Variants in RANBP2 observed in about 807,000 individuals in gnomAD.
RANBP2 encodes the protein E3 SUMO-protein ligase RanBP2.
A neutral mutation model predicts 303.6 loss-of-function variants in RANBP2; 57 were observed. The ratio of observed to expected loss-of-function variants is 0.19; its 90% CI spans 0.15 to 0.23. The LOEUF (loss-of-function observed/expected upper bound fraction) is 0.23. Among genes scored for constraint, RANBP2 ranks in the 10% least tolerant of loss-of-function variants. RANBP2 has a pLI of 1.00. For missense variants in RANBP2, 3,138 were observed against 3,780.8 expected, an observed-to-expected ratio of 0.83 and a Z score of 4.46; for synonymous variants, 1,167 against 1,301.5, an observed-to-expected ratio of 0.90 and a Z score of 2.23.
At chr2:108,919,363 ATT>A in the RANBP2 span, among the ~76,000 whole-genome samples, 1 of 151,914 alleles carries the variant, frequency 6.6e-6, no homozygotes, top group South Asian at 2.1e-4. Context: ...CTTTTTATTT[ATT>A]TATTTATTTA....
chr2:109,293,112 T>G, the RANBP2 span, among the ~76,000 whole-genome samples: 1 of 152,184 alleles, frequency 6.6e-6, no homozygotes, highest in South Asian at 2.1e-4. Flanking sequence ...GCCATGACAC[T>G]GCAGGGGACA....
the RANBP2 span, among the ~76,000 whole-genome samples, chr2:108,899,934 C>A: frequency 6.6e-6 from 1 of 151,864 alleles, no homozygotes; most frequent in Non-Finnish European, 1.5e-5. Flanking sequence ...TGCAGTGAGC[C>A]GAGATCGTGT....
At chr2:109,232,715 TGGTGATGGAAC>T in the RANBP2 span, among the ~76,000 whole-genome samples, 4 of 152,198 alleles carry the variant, frequency 2.6e-5, no homozygotes, top group Admixed American at 2.6e-4. Context: ...GGAAGCATCA[TGGTGATGGAAC>T]CAGGAGCTCT....
the RANBP2 span, among the ~76,000 whole-genome samples, chr2:109,038,649 A>C: frequency 6.6e-6 from 1 of 152,240 alleles, no homozygotes; most frequent in Non-Finnish European, 1.5e-5. Flanking sequence ...AAAGACTGGA[A>C]TCTAGAATAA....
chr2:108,780,217 G>T, intron 25 of RANBP2, among the ~76,000 whole-genome samples: 1 of 136,776 alleles, frequency 7.3e-6, no homozygotes, highest in Admixed American at 7.9e-5. Context: ...TTTGGTGACA[G>T]AGTCTTGCTC....
chr2:108,759,721 C>T (rs560001759), intron 18 of RANBP2, among the ~76,000 whole-genome samples: 4 of 152,198 alleles, frequency 2.6e-5, no homozygotes, highest in South Asian at 4.1e-4. Context: ...TTTCTTAAAA[C>T]CTTACACATC....
the RANBP2 span, among the ~76,000 whole-genome samples, chr2:109,657,378 G>A: frequency 2.0e-5 from 3 of 152,248 alleles, no homozygotes; most frequent in African/African-American, 7.2e-5. Flanking sequence ...AGCCCAGGAG[G>A]TTGAGGCTGC....
the RANBP2 span, chr2:109,614,463 G>A: frequency 7.4e-6 from 9 of 1,213,622 alleles, no homozygotes; most frequent in East Asian, 1.0e-4. Flanking sequence ...TGAGCCGCCC[G>A]CTGGCGGGGG....
chr2:108,906,380 A>G, the RANBP2 span: 1 of 1,614,142 alleles, frequency 6.2e-7, no homozygotes, highest in African/African-American at 1.3e-5. Flanking sequence ...TGTGAAAAAG[A>G]GTCGAGAATT....
the RANBP2 span, among the ~76,000 whole-genome samples, chr2:109,584,406 T>C: frequency 2.4e-5 from 3 of 126,060 alleles, no homozygotes; most frequent in South Asian, 7.4e-4. Context: ...ACTGGGGAGG[T>C]GGAGGTTGCA....
the RANBP2 span, among the ~76,000 whole-genome samples, chr2:109,150,435 T>C: frequency 1.3e-5 from 2 of 152,214 alleles, no homozygotes; most frequent in Middle Eastern, 3.2e-3. Context: ...ACTACTCTGC[T>C]CATTATTTCA....
the RANBP2 span, among the ~76,000 whole-genome samples, chr2:109,648,215 C>T: frequency 4.6e-5 from 7 of 152,222 alleles, no homozygotes; most frequent in Admixed American, 2.0e-4. Context: ...ATGTGAACAC[C>T]GAACCACTGA....
the RANBP2 span, among the ~76,000 whole-genome samples, chr2:109,233,915 T>C: frequency 6.6e-6 from 1 of 152,270 alleles, no homozygotes; most frequent in East Asian, 1.9e-4. Context: ...TAATATTCCA[T>C]CATATGGAGG....
chr2:108,782,466 AAAC>A (rs1301188192), intron 27 of RANBP2, 59 bp from the exon 28 acceptor site: 2 of 1,613,500 alleles, frequency 1.2e-6, no homozygotes, highest in East Asian at 2.2e-5. Context: ...ATAACAAACA[AAAC>A]AACTTATAAC....
At chr2:109,614,622 G>A in the RANBP2 span, 2 of 1,461,638 alleles carry the variant, frequency 1.4e-6, no homozygotes, top group Admixed American at 2.4e-5. Flanking sequence ...CCTAGGCGGC[G>A]AACCGGAGCA....
chr2:109,577,265 A>G, the RANBP2 span, among the ~76,000 whole-genome samples: 1 of 152,210 alleles, frequency 6.6e-6, no homozygotes, highest in South Asian at 2.1e-4. Flanking sequence ...GGTAATAAAC[A>G]TATACTGGCC....
chr2:109,098,788 C>T, the RANBP2 span, among the ~76,000 whole-genome samples: 25 of 152,292 alleles, frequency 1.6e-4, no homozygotes, highest in East Asian at 3.9e-4. Flanking sequence ...GGGCCTCTGA[C>T]GCAGGTAAGC....
the RANBP2 span, chr2:109,667,429 T>C: frequency 2.7e-6 from 1 of 372,334 alleles, no homozygotes; most frequent in East Asian, 6.7e-5. Flanking sequence ...GAACTATAGG[T>C]TAGAGGCAGG....
chr2:109,195,767 C>A, the RANBP2 span, among the ~76,000 whole-genome samples: 5 of 152,312 alleles, frequency 3.3e-5, no homozygotes, highest in East Asian at 9.7e-4. Context: ...AGCCTTTGGA[C>A]TTCCTGTGGG....
Sources: allele counts gnomAD v4.1 joint callset (sites outside exome capture counted in the v4.1 genomes callset), GRCh38; gene constraint gnomAD v4.1.1; transcripts MANE v1.5; gene names NCBI Gene and HGNC (gene_info 2026-07-23, HGNC 2026-07-21).